CNTNAP2: variants seen among roughly 807,000 people sequenced by gnomAD.
CNTNAP2 encodes the protein contactin-associated protein-like 2.
A neutral mutation model predicts 155.2 loss-of-function variants in CNTNAP2; 98 were observed. The observed-to-expected ratio is 0.63, with a 90% CI of 0.54 to 0.75. The LOEUF (loss-of-function observed/expected upper bound fraction) is 0.75, where lower values mean the gene tolerates loss of function less well. Ranked by LOEUF, CNTNAP2 falls within the 30% of genes least tolerant of loss-of-function variation. The probability of loss-of-function intolerance (pLI) is 0.00; values close to 1 mark genes in which losing one functional copy is unlikely to be tolerated. For missense variants in CNTNAP2, 1,727 were observed against 1,688.1 expected, an observed-to-expected ratio of 1.02 and a Z score of -0.40; for synonymous variants, 651 against 631.2, an observed-to-expected ratio of 1.03 and a Z score of -0.47.
intron 3 of CNTNAP2, among the ~76,000 whole-genome samples, chr7:147,002,671 A>G (rs908416576): frequency 9.2e-5 from 14 of 152,024 alleles, no homozygotes; most frequent in African/African-American, 2.9e-4. Flanking sequence ...GAAGTCCAAG[A>G]TCAAAGTATG....
At chr7:146,831,764 G>A (rs1355196264) in intron 2 of CNTNAP2, among the ~76,000 whole-genome samples, 1 of 148,918 alleles carries the variant, frequency 6.7e-6, no homozygotes, top group Admixed American at 6.7e-5. Context: ...TCTATACTCA[G>A]TTAGTAGTTT....
chr7:147,591,555 T>A (rs2116844528), intron 12 of CNTNAP2, among the ~76,000 whole-genome samples: 1 of 152,312 alleles, frequency 6.6e-6, no homozygotes, highest in South Asian at 2.1e-4. Flanking sequence ...TCTAATCTAA[T>A]ACCTTTCCTC....
At chr7:146,256,780 A>T (rs113359818) in intron 1 of CNTNAP2, among the ~76,000 whole-genome samples, 6,296 of 152,156 alleles carry the variant, frequency 0.041, 399 homozygotes, top group African/African-American at 0.14. Flanking sequence ...TCCTTCAATT[A>T]CTGGTGGGAA....
chr7:147,787,220 C>T (rs1333480380), intron 13 of CNTNAP2, among the ~76,000 whole-genome samples: 2 of 152,178 alleles, frequency 1.3e-5, no homozygotes, highest in Non-Finnish European at 2.9e-5. Context: ...ACTGGTACTG[C>T]AGATGGCTGG....
rs149462375 is a variant in CNTNAP2 at position 148,183,033 on chromosome 7, AT to A, written c.3010+10557del. On this transcript the variant is annotated intron_variant, in intron 18 of 23. Coordinates refer to ENST00000361727, the MANE Select transcript of CNTNAP2 (RefSeq NM_014141.6). ...CAGTTTGATCATTAATAATAATTTT[AT>A]TCCTTCCTATACACTGAGCACAAGT... 6.4e-3 allele frequency among the ~76,000 whole-genome samples: 973 copies of A among 152,384 alleles called. 10 individuals are homozygous for A. The highest frequency in any genetic ancestry group is 0.023 in the African/African-American group (944 of 41,588).
intron 1 of CNTNAP2, among the ~76,000 whole-genome samples, chr7:146,489,495 T>C (rs1351851164): frequency 7.2e-5 from 11 of 152,194 alleles, no homozygotes. Flanking sequence ...CAGAACTCTG[T>C]GTAACACTGA....
rs571400344 is a variant in CNTNAP2, at chr7:146,763,459, T to A, written c.98-10812T>A. Among the ~76,000 whole-genome samples the A allele has an allele frequency of 5.9e-5, 9 of 152,296 alleles. No homozygotes were observed. In the South Asian group the frequency reaches 1.9e-3, roughly 32 times the overall value. On this transcript the variant is annotated intron_variant, in intron 1 of 23. Transcript: ENST00000361727. ...ACCATCTGAAATACTGTGTATTTTT[T>A]TTATTATTTACTATAATATGAAACT...
intron 10 of CNTNAP2, among the ~76,000 whole-genome samples, chr7:147,423,929 T>A (rs1797337010): frequency 6.6e-6 from 1 of 152,184 alleles, no homozygotes; most frequent in South Asian, 2.1e-4. Flanking sequence ...ATTTCTTTGC[T>A]CCTCTCTCTT....
chr7:146,828,908 C>G (rs1803458153), intron 2 of CNTNAP2, among the ~76,000 whole-genome samples: 1 of 152,044 alleles, frequency 6.6e-6, no homozygotes, highest in Admixed American at 6.6e-5. Context: ...GTGTATATCA[C>G]TGTGGCTTCT....
intron 15 of CNTNAP2, among the ~76,000 whole-genome samples, chr7:148,117,108 CGCAGTTTGGTGTTTTTATT>C (rs1307457933): frequency 6.6e-6 from 1 of 152,158 alleles, no homozygotes; most frequent in Non-Finnish European, 1.5e-5. Flanking sequence ...GTCTGAGTAA[CGCAGTTTGGTGTTTTTATT>C]GCATCCTGCG....
At chr7:147,270,879 G>A (rs1804732023) in intron 8 of CNTNAP2, among the ~76,000 whole-genome samples, 1 of 152,168 alleles carries the variant, frequency 6.6e-6, no homozygotes, top group African/African-American at 2.4e-5. Flanking sequence ...GACGACTGTG[G>A]TGGCAGCCTC....
chr7:147,030,305 A>G (rs1218244531), intron 3 of CNTNAP2, among the ~76,000 whole-genome samples: 1 of 152,120 alleles, frequency 6.6e-6, no homozygotes, highest in African/African-American at 2.4e-5. Flanking sequence ...CTTTTATGTG[A>G]GGATTTGGGA....
rs138541753 is a variant in CNTNAP2, at chr7:146,171,748, A to G, written c.97+54775A>G. On this transcript the variant is annotated intron_variant, in intron 1 of 23. Transcript: ENST00000361727. ...GAAATAGTATCATAAAACATATATA[A>G]TGTGTAAATTTAATAAACTTTTAAA... 5.2e-3 allele frequency among the ~76,000 whole-genome samples: 798 copies of G among 152,208 alleles called. 6 individuals carry two copies. Among genetic ancestry groups the G allele is most frequent in the African/African-American group, 0.018 (755 of 41,564 alleles).
intron 11 of CNTNAP2, among the ~76,000 whole-genome samples, chr7:147,544,585 A>C (rs1562989637): frequency 6.6e-6 from 1 of 152,040 alleles, no homozygotes; most frequent in African/African-American, 2.4e-5. Context: ...CATGACTTTC[A>C]TGGGCCCTAG....
At chr7:147,263,048 G>A (rs1804527616) in intron 8 of CNTNAP2, among the ~76,000 whole-genome samples, 1 of 152,130 alleles carries the variant, frequency 6.6e-6, no homozygotes, top group African/African-American at 2.4e-5. Context: ...AACTGAACAT[G>A]GGAACAAGAC....
At chr7:146,515,626 G>A (rs958092890) in intron 1 of CNTNAP2, among the ~76,000 whole-genome samples, 8 of 152,142 alleles carry the variant, frequency 5.3e-5, no homozygotes, top group African/African-American at 1.2e-4. Flanking sequence ...TTAAGAGCAC[G>A]CTAGAATATT....
chr7:146,206,887 T>C (rs1798955674), intron 1 of CNTNAP2, among the ~76,000 whole-genome samples: 1 of 152,014 alleles, frequency 6.6e-6, no homozygotes, highest in African/African-American at 2.4e-5. Context: ...TAATAGTACC[T>C]TTAAGTCTAC....
chr7:147,603,976 A>T (rs944513160), intron 12 of CNTNAP2, among the ~76,000 whole-genome samples: 14 of 151,864 alleles, frequency 9.2e-5, no homozygotes, highest in African/African-American at 3.4e-4. Context: ...TGGGGAAAGG[A>T]TTCCCTATTT....
intron 13 of CNTNAP2, among the ~76,000 whole-genome samples, chr7:147,766,000 A>G (rs1797377224): frequency 6.6e-6 from 1 of 152,194 alleles, no homozygotes; most frequent in African/African-American, 2.4e-5. Context: ...TTTTATTTAT[A>G]TGAAATTCTA....
Sources: allele counts gnomAD v4.1 joint callset (sites outside exome capture counted in the v4.1 genomes callset), GRCh38; gene constraint gnomAD v4.1.1; transcripts MANE v1.5; gene names NCBI Gene and HGNC (gene_info 2026-07-23, HGNC 2026-07-21).